The following NCKAP5 variants were observed in gnomAD, a reference collection of about 807,000 sequenced individuals.
NCKAP5 encodes the protein nck-associated protein 5.
A neutral mutation model predicts 167.0 loss-of-function variants in NCKAP5; 92 were observed. The observed-to-expected ratio is 0.55, with a 90% CI of 0.47 to 0.66. NCKAP5 has a LOEUF of 0.66. Ranked by LOEUF, NCKAP5 falls within the 30% of genes least tolerant of loss-of-function variation. The pLI is 0.00. For missense variants in NCKAP5, 2,378 were observed against 2,315.0 expected, an observed-to-expected ratio of 1.03 and a Z score of -0.56; for synonymous variants, 891 against 877.4, an observed-to-expected ratio of 1.02 and a Z score of -0.27.
chr2:133,425,150 T>G (rs1166674371), intron 3 of NCKAP5, among the ~76,000 whole-genome samples: 1 of 152,228 alleles, frequency 6.6e-6, no homozygotes, highest in Non-Finnish European at 1.5e-5. Context: ...CAACCTCTGT[T>G]CCAAACATCT....
At chr2:132,874,103 A>ATTTTTT (rs4057987) in intron 9 of NCKAP5, among the ~76,000 whole-genome samples, 18 of 113,152 alleles carry the variant, frequency 1.6e-4, no homozygotes, top group Non-Finnish European at 2.1e-4. Flanking sequence ...CAAGACCTTG[A>ATTTTTT]TTTTTTTTTT....
Position 133,378,457 on chromosome 2 carries a change from T to C in NCKAP5, c.70-75347A>G, listed in dbSNP as rs1303622423. The stretch of plus-strand genomic sequence containing the variant: ...GTCAGGACAACCAGTTTGGAAAACC[T>C]GCATCCCACTTCTCAGCTTCTATCT... On this transcript the variant is annotated intron_variant, in intron 3 of 19. Transcript: ENST00000409261. Among the ~76,000 whole-genome samples, 3 of 152,234 alleles carry C rather than the reference T, an allele frequency of 2.0e-5. No homozygotes were observed. In the South Asian group the frequency reaches 6.2e-4, roughly 32 times the overall value.
chr2:133,087,282 A>C (rs1319718669), intron 6 of NCKAP5, among the ~76,000 whole-genome samples: 1 of 152,228 alleles, frequency 6.6e-6, no homozygotes, highest in East Asian at 1.9e-4. Context: ...AAACTAAATT[A>C]CTGGTGAAAT....
intron 3 of NCKAP5, among the ~76,000 whole-genome samples, chr2:133,345,738 T>A (rs990187630): frequency 6.6e-6 from 1 of 152,134 alleles, no homozygotes; most frequent in Non-Finnish European, 1.5e-5. Flanking sequence ...GTGATTTCAT[T>A]GTGACTTTGT....
At chr2:133,367,927 G>A (rs1685555519) in intron 3 of NCKAP5, among the ~76,000 whole-genome samples, 1 of 152,176 alleles carries the variant, frequency 6.6e-6, no homozygotes, top group African/African-American at 2.4e-5. Context: ...CTGTGCACCT[G>A]TGTGATGCAG....
intron 6 of NCKAP5, among the ~76,000 whole-genome samples, chr2:133,035,990 G>A (rs6740300): frequency 0.022 from 3,371 of 151,812 alleles, 113 homozygotes; most frequent in African/African-American, 0.076. Flanking sequence ...TGATAAAAGA[G>A]ACATTATAAC....
At chr2:133,051,671 A>G (rs2079611494) in intron 6 of NCKAP5, among the ~76,000 whole-genome samples, 1 of 152,140 alleles carries the variant, frequency 6.6e-6, no homozygotes, top group Non-Finnish European at 1.5e-5. Flanking sequence ...CCAATAATTT[A>G]TTTTCCAATG....
chr2:133,187,351 T>A (rs2084992347), intron 5 of NCKAP5, among the ~76,000 whole-genome samples: 1 of 151,968 alleles, frequency 6.6e-6, no homozygotes, highest in African/African-American at 2.4e-5. Flanking sequence ...AATTTATTGA[T>A]ACTTGGAAAG....
At chr2:132,800,758 G>A (rs1018735205) in intron 11 of NCKAP5, among the ~76,000 whole-genome samples, 2 of 152,094 alleles carry the variant, frequency 1.3e-5, no homozygotes, top group African/African-American at 2.4e-5. Context: ...CTGCCTTGAG[G>A]AATTGGACTG....
At chr2:133,346,173 T>C (rs1683964262) in intron 3 of NCKAP5, among the ~76,000 whole-genome samples, 1 of 152,114 alleles carries the variant, frequency 6.6e-6, no homozygotes, top group Non-Finnish European at 1.5e-5. Context: ...GACCCAAATA[T>C]GGTAGTAGAA....
At chr2:133,030,309 C>A (rs1161034453) in intron 6 of NCKAP5, among the ~76,000 whole-genome samples, 1 of 152,174 alleles carries the variant, frequency 6.6e-6, no homozygotes, top group East Asian at 1.9e-4. Flanking sequence ...ACACTCAGTG[C>A]CTGCAAGGGC....
the NCKAP5 span, among the ~76,000 whole-genome samples, chr2:133,647,419 G>GGAA: frequency 2.1e-5 from 2 of 94,942 alleles, no homozygotes; most frequent in South Asian, 3.2e-4. Flanking sequence ...AAGGAAGGAA[G>GGAA]AGAAAGAAAG....
intron 4 of NCKAP5, among the ~76,000 whole-genome samples, chr2:133,261,014 G>A (rs186886036): frequency 1.3e-5 from 2 of 152,262 alleles, no homozygotes; most frequent in East Asian, 3.9e-4. Flanking sequence ...TGATAATGTG[G>A]TCTTTAGACT....
At chr2:132,858,821 C>T (rs1389137839) in intron 11 of NCKAP5, among the ~76,000 whole-genome samples, 1 of 152,094 alleles carries the variant, frequency 6.6e-6, no homozygotes, top group African/African-American at 2.4e-5. Context: ...AAATTTGTGA[C>T]AGCCAATGAA....
At chr2:132,710,249 C>T (rs2105314146) in intron 19 of NCKAP5, among the ~76,000 whole-genome samples, 1 of 152,082 alleles carries the variant, frequency 6.6e-6, no homozygotes, top group East Asian at 1.9e-4. Flanking sequence ...TTAATCTACC[C>T]CAAAACAAAA....
At chr2:133,326,132 G>A (rs1004239310) in intron 3 of NCKAP5, among the ~76,000 whole-genome samples, 3 of 152,138 alleles carry the variant, frequency 2.0e-5, no homozygotes, top group Non-Finnish European at 2.9e-5. Context: ...TCTGGCAGAG[G>A]AACAGCAACC....
chr2:133,219,427 C>G (rs970748631), intron 4 of NCKAP5, among the ~76,000 whole-genome samples: 19 of 152,288 alleles, frequency 1.2e-4, no homozygotes, highest in African/African-American at 4.6e-4. Context: ...GCAGGAAATG[C>G]AACCTATTAG....
chr2:132,846,556 C>T (rs1365459820), intron 11 of NCKAP5, among the ~76,000 whole-genome samples: 3 of 152,074 alleles, frequency 2.0e-5, no homozygotes, highest in Non-Finnish European at 4.4e-5. Flanking sequence ...CCACCTGCCT[C>T]GGCCTCCCAA....
intron 6 of NCKAP5, among the ~76,000 whole-genome samples, chr2:133,003,957 G>A (rs1041082832): frequency 1.1e-4 from 16 of 152,178 alleles, no homozygotes; most frequent in African/African-American, 3.6e-4. Context: ...GAGAGGGCAG[G>A]GAAGCAGAGA....
Sources: gnomAD v4.1 joint callset for allele counts (sites outside exome capture counted in the v4.1 genomes callset) on GRCh38, gnomAD v4.1.1 for gene constraint, MANE v1.5 for transcripts, NCBI Gene and HGNC (gene_info 2026-07-23, HGNC 2026-07-21) for gene names.